Variants in IRAK1 observed in about 807,000 individuals in gnomAD.
IRAK1 encodes the protein interleukin 1 receptor associated kinase 1.
IRAK1 carries 9 observed loss-of-function variants against 49.8 expected under a neutral mutation model. The ratio of observed to expected loss-of-function variants is 0.18; its 90% CI spans 0.11 to 0.32. IRAK1 has a LOEUF of 0.32. IRAK1 is among the 10% of genes least tolerant of loss of function. IRAK1 has a pLI of 1.00. For synonymous variants in IRAK1, 282 were observed against 270.8 expected (o/e 1.04, Z -0.41); for missense variants, 418 against 600.5 (o/e 0.70, Z 3.18).
intron 7 of IRAK1, 101 bp from the exon 8 acceptor site, chrX:154,017,168 C>T: frequency 1.9e-6 from 1 of 535,352 alleles, no homozygotes; most frequent in East Asian, 3.3e-5. Context: ...AGCCACTTCA[C>T]TCTCTAGGCC....
intron 10 of IRAK1, among the ~76,000 whole-genome samples, chrX:154,015,510 C>T (rs2065732610): frequency 8.9e-6 from 1 of 112,527 alleles, no homozygotes; most frequent in African/African-American, 3.2e-5. Flanking sequence ...GAAAACAGGC[C>T]CACAGGGGAG....
intron 13 of IRAK1, 63 bp downstream of exon 13, chrX:154,012,466 C>G: frequency 8.7e-7 from 1 of 1,143,645 alleles, no homozygotes; most frequent in Non-Finnish European, 1.2e-6. Flanking sequence ...GACAGACACT[C>G]TGCTCTTTGG....
At chrX:154,015,231 C>G (rs2065730512) in intron 10 of IRAK1, among the ~76,000 whole-genome samples, 1 of 112,141 alleles carries the variant, frequency 8.9e-6, no homozygotes, top group Admixed American at 9.4e-5. Flanking sequence ...GCAAAGGGGC[C>G]TTTGAAAAGA....
Position 154,014,097 on chromosome X carries a change from T to TGGCCCA in IRAK1, c.1478_1483dup (p.Leu493_Gly494dup). 1.7e-6 allele frequency: 2 copies of TGGCCCA among 1,192,934 alleles called. No individual in the cohort carries two copies. The highest frequency in any genetic ancestry group is 2.2e-6 in the Non-Finnish European group (2 of 890,095). On this transcript the variant is annotated inframe_insertion, in exon 11 of 14. Transcript: ENST00000369980. The stretch of plus-strand genomic sequence containing the variant: ...GCGGTGCAGGCAGCAGCAGGCCAGC[T>TGGCCCA]GGCCCAGGCCCAGGCCCAGCTCAGG...
At position 154,011,279 on chromosome X, in the gene IRAK1, A is replaced by G; in HGVS notation, c.*580T>C. 7.7e-6 allele frequency: 2 copies of G among 260,945 alleles called. No homozygotes were observed. The highest frequency in any genetic ancestry group is 1.4e-5 in the Non-Finnish European group (2 of 137,986). 21.5% of individuals were successfully genotyped at this position (260,945 alleles called of 1,213,427 possible). On this transcript the variant is annotated 3_prime_UTR_variant, in exon 14 of 14. Coordinates refer to ENST00000369980, the MANE Select transcript of IRAK1 (RefSeq NM_001569.4). ...GTTTAAAAAATTTTTTGGCAGAGACAGGGTCTCATCATGTTGCCCTGGCTG... is the reference window on the plus strand; with the variant it reads ...GTTTAAAAAATTTTTTGGCAGAGACGGGGTCTCATCATGTTGCCCTGGCTG...
At chrX:154,017,868 G>C (rs1340559535) in intron 7 of IRAK1, 138 bp downstream of exon 7, 3 of 465,893 alleles carry the variant, frequency 6.4e-6, no homozygotes, top group African/African-American at 4.9e-5. Flanking sequence ...GGTGCTGCTG[G>C]GGAGCTGGAA....
chrX:154,011,130 G>C lies in IRAK1; in HGVS notation c.*729C>G, dbSNP rs1424262327. On this transcript the variant is annotated 3_prime_UTR_variant, in exon 14 of 14. Transcript: ENST00000369980. ...AACAGGGTCTTGCTCTGTCACCCAG[G>C]CTGGAGTGCAGTCATACAATCATGA... 3.0e-6 allele frequency: 1 copy of C among 336,462 alleles called. No individual in the cohort carries two copies. Among genetic ancestry groups the C allele is most frequent in the Non-Finnish European group, 5.9e-6 (1 of 169,344 alleles). The allele number at this position is 336,462 out of a possible 1,213,427, so 27.7% of individuals were successfully genotyped here.
Position 154,013,142 on chromosome X carries a change from C to T in IRAK1, c.1831G>A (p.Asp611Asn), listed in dbSNP as rs1557127989. 8.3e-7 allele frequency: 1 copy of T among 1,209,857 alleles called. No homozygotes were observed. The highest frequency in any genetic ancestry group is 2.2e-5 in the Admixed American group (1 of 46,110). ...SWHLTPSCPL[D>N]PAPLREAGCP... ...CCGGCCTCCCTGAGGGGTGCTGGGT[C>T]CAGAGGGCAGCTTGGAGTCAAGTGC... is the stretch of plus-strand genomic sequence containing the variant. The change falls in exon 12 of 14, where the codon GAC becomes AAC. Residue 611 changes from aspartate (D) to asparagine (N), a missense_variant. Physicochemically the swap from Asp to Asn is conservative, Grantham distance 23 (BLOSUM62 1). Transcript: ENST00000369980.
chrX:154,010,547 T>G lies in IRAK1; in HGVS notation c.*1312A>C. 1 of 135,096 alleles carries G rather than the reference T, an allele frequency of 7.4e-6. No homozygotes were observed. The highest frequency in any genetic ancestry group is 1.5e-5 in the Non-Finnish European group (1 of 65,731). 11.1% of individuals were successfully genotyped at this position (135,096 alleles called of 1,213,427 possible). A position where few individuals can be genotyped will look rare whatever the true frequency, so the allele number is the denominator to read the frequency against. ...TTATTACTCAAGGACAACCTGGACGTCACCAATGCCCAGCTTCACGGGGGC... is the reference window on the plus strand; with the variant it reads ...TTATTACTCAAGGACAACCTGGACGGCACCAATGCCCAGCTTCACGGGGGC... On this transcript the variant is annotated 3_prime_UTR_variant, in exon 14 of 14. Transcript: ENST00000369980.
chrX:154,014,607 C>T (rs1456482702), intron 10 of IRAK1, among the ~76,000 whole-genome samples: 5 of 111,150 alleles, frequency 4.5e-5, no homozygotes, highest in Non-Finnish European at 9.5e-5. Flanking sequence ...GCAGCCTCAA[C>T]CTCCCAGGCT....
At chrX:154,014,357 C>G in intron 10 of IRAK1, 79 bp from the exon 11 acceptor site, 1 of 740,614 alleles carries the variant, frequency 1.4e-6, no homozygotes, top group South Asian at 2.7e-5. Context: ...GTCACTCAAT[C>G]GTATGGGTTT....
chrX:154,013,475 C>T (rs933617119), intron 11 of IRAK1, 42 bp from the exon 12 acceptor site: 53 of 1,133,267 alleles, frequency 4.7e-5, no homozygotes, highest in Non-Finnish European at 5.9e-5. Context: ...AGATGGCAGC[C>T]CTGGCCGGTC....
At position 154,019,345 on chromosome X, in the gene IRAK1, G is replaced by A; in HGVS notation, c.305-17C>T. The A allele has an allele frequency of 8.7e-7, 1 of 1,154,048 alleles. No individual in the cohort carries two copies. The highest frequency in any genetic ancestry group is 1.2e-6 in the Non-Finnish European group (1 of 866,472). On this transcript the variant is annotated splice_polypyrimidine_tract_variant and intron_variant, in intron 2 of 13. Transcript: ENST00000369980. ...GAGGGTGCCCTGGGACGCCAAGGAAGGAAAGGAAGGTTGAGGCCCGGGTGG... is the reference window on the plus strand; with the variant it reads ...GAGGGTGCCCTGGGACGCCAAGGAAAGAAAGGAAGGTTGAGGCCCGGGTGG...
chrX:154,014,467 A>T (rs1249208763), intron 10 of IRAK1, 189 bp from the exon 11 acceptor site: 3 of 445,877 alleles, frequency 6.7e-6, no homozygotes, highest in Non-Finnish European at 1.1e-5. Flanking sequence ...TCAGCCTCCC[A>T]AAGTGCTGGT....
In IRAK1 at chrX:154,012,706, C is replaced by T. The variant is rs1469093858; in HGVS notation, c.1931-28G>A. 4.2e-6 allele frequency: 5 copies of T among 1,195,443 alleles called. No homozygotes were observed. In the Admixed American group the frequency reaches 8.9e-5, roughly 21 times the overall value. On this transcript the variant is annotated intron_variant, in intron 12 of 13. Coordinates refer to ENST00000369980, the MANE Select transcript of IRAK1 (RefSeq NM_001569.4). ...GGGGTGGAGATGGCACTCCCTTAGC[C>T]TCATGCTGTGGCTCCCCAGCCCGCA...
Position 154,011,737 on chromosome X carries a change from C to A in IRAK1, c.*122G>T, listed in dbSNP as rs2065699393. On this transcript the variant is annotated 3_prime_UTR_variant, in exon 14 of 14. Coordinates refer to ENST00000369980, the MANE Select transcript of IRAK1 (RefSeq NM_001569.4). The stretch of plus-strand genomic sequence containing the variant: ...AACAGCAGGGCCACCTCCTTCTCTC[C>A]CCCGCGGGCATGGGCCCCCACCCCC... The A allele has an allele frequency of 4.4e-6, 3 of 683,841 alleles. No homozygotes were observed. Among genetic ancestry groups the A allele is most frequent in the Non-Finnish European group, 7.2e-6 (3 of 417,950 alleles). The allele number at this position is 683,841 out of a possible 1,213,427, so 56.4% of individuals were successfully genotyped here. A position where few individuals can be genotyped will look rare whatever the true frequency, so the allele number is the denominator to read the frequency against.
rs145316723 is a variant in IRAK1, at chrX:154,012,970, G to T, written c.1930+73C>A. On this transcript the variant is annotated intron_variant, in intron 12 of 13. Coordinates refer to ENST00000369980, the MANE Select transcript of IRAK1 (RefSeq NM_001569.4). ...GCCCTGGTTCTCTTCTAGAAGGCTG[G>T]GGTGGGGACTTACAGGGGCTTTGGC... 1.4e-3 allele frequency: 1,555 copies of T among 1,135,183 alleles called. 21 individuals are homozygous for T. In the African/African-American group the frequency reaches 0.026, roughly 19 times the overall value. The allele number at this position is 1,135,183 out of a possible 1,213,427, so 93.6% of individuals were successfully genotyped here. A position where few individuals can be genotyped will look rare whatever the true frequency, so the allele number is the denominator to read the frequency against.
chrX:154,018,195 G>A (rs1286450673), intron 6 of IRAK1, 75 bp from the exon 7 acceptor site: 13 of 1,057,694 alleles, frequency 1.2e-5, no homozygotes, highest in Admixed American at 4.9e-5. Context: ...CAGCTCGCCC[G>A]GGCCTGCCAG....
chrX:154,019,405 T>G (rs1557130822), intron 2 of IRAK1, 26 bp downstream of exon 2: 1 of 1,110,683 alleles, frequency 9.0e-7, no homozygotes. Context: ...CTCCCAGCCG[T>G]GGGGTGCCCG....
Sources: gnomAD v4.1 joint callset for allele counts (sites outside exome capture counted in the v4.1 genomes callset) on GRCh38, gnomAD v4.1.1 for gene constraint, MANE v1.5 for transcripts, NCBI Gene and HGNC (gene_info 2026-07-23, HGNC 2026-07-21) for gene names.